Variants in PLCH1 observed in about 807,000 individuals in gnomAD.
PLCH1 encodes phospholipase C eta 1, also known as 1-phosphatidylinositol 4,5-bisphosphate phosphodiesterase eta-1.
PLCH1 carries 60 observed loss-of-function variants against 126.7 expected under a neutral mutation model. That is an observed-to-expected ratio of 0.47 (90% CI 0.38 to 0.59). PLCH1 has a LOEUF of 0.59. Ranked by LOEUF, PLCH1 falls within the 20% of genes least tolerant of loss-of-function variation. The pLI is 0.00. For synonymous variants in PLCH1, 719 were observed against 734.9 expected, an observed-to-expected ratio of 0.98 and a Z score of 0.35; for missense variants, 1,723 against 2,040.0, an observed-to-expected ratio of 0.84 and a Z score of 2.99.
chr3:155,633,952 TC>T (rs760870135), intron 2 of PLCH1, among the ~76,000 whole-genome samples: 55 of 152,200 alleles, frequency 3.6e-4, no homozygotes, highest in Middle Eastern at 6.8e-3. Context: ...GGTGAAGCAT[TC>T]CTGACTCCAT....
intron 21 of PLCH1, among the ~76,000 whole-genome samples, chr3:155,456,501 C>A (rs1203191277): frequency 1.3e-5 from 2 of 152,116 alleles, no homozygotes; most frequent in Non-Finnish European, 2.9e-5. Flanking sequence ...ATTTACATTC[C>A]CTACCTGGGC....
intron 1 of PLCH1, among the ~76,000 whole-genome samples, chr3:155,716,097 T>G (rs889421343): frequency 6.6e-6 from 1 of 152,254 alleles, no homozygotes; most frequent in African/African-American, 2.4e-5. Context: ...TTCTGAATAC[T>G]ATTACAGCTT....
At chr3:155,625,889 A>G (rs1274028268) in intron 2 of PLCH1, among the ~76,000 whole-genome samples, 1 of 152,264 alleles carries the variant, frequency 6.6e-6, no homozygotes, top group African/African-American at 2.4e-5. Flanking sequence ...GTATATACCC[A>G]AAGGATTATA....
intron 2 of PLCH1, among the ~76,000 whole-genome samples, chr3:155,700,409 T>C (rs1258874756): frequency 6.6e-6 from 1 of 152,186 alleles, no homozygotes; most frequent in Non-Finnish European, 1.5e-5. Flanking sequence ...ATAAGAGAAT[T>C]ACCCTTAATT....
chr3:155,616,725 G>A (rs973623060), intron 2 of PLCH1, among the ~76,000 whole-genome samples: 3 of 152,072 alleles, frequency 2.0e-5, no homozygotes, highest in African/African-American at 7.2e-5. Flanking sequence ...TGTCTTTATT[G>A]GGTCTTGTTA....
chr3:155,592,327 CA>C (rs11426252), intron 4 of PLCH1, among the ~76,000 whole-genome samples: 28,909 of 122,736 alleles, frequency 0.24, 3,795 homozygotes, highest in African/African-American at 0.43. Flanking sequence ...ACTAAAAATA[CA>C]AAAAAAAAAA....
chr3:155,664,278 G>A (rs1742491877), intron 2 of PLCH1, among the ~76,000 whole-genome samples: 1 of 152,170 alleles, frequency 6.6e-6, no homozygotes, highest in African/African-American at 2.4e-5. Flanking sequence ...CTTTCCTACT[G>A]AAATTACCTT....
chr3:155,594,893 T>G (rs1732759354), intron 3 of PLCH1, among the ~76,000 whole-genome samples: 4 of 152,210 alleles, frequency 2.6e-5, no homozygotes. Flanking sequence ...TTTTGCAACA[T>G]GCATAAGAAG....
In PLCH1 at chr3:155,482,568, G is replaced by A. The variant is rs769687200; in HGVS notation, c.3458C>T (p.Ser1153Phe). The A allele has an allele frequency of 1.9e-6, 3 of 1,614,226 alleles. No homozygotes were observed. The highest frequency in any genetic ancestry group is 2.5e-6 in the Non-Finnish European group (3 of 1,180,040). ...AGTTGAATGTAGGTCAGGTATGTCA[G>A]AACAGAGCATGGAGACGTCTGACAA... is the stretch of plus-strand genomic sequence containing the variant. ...FSLSDVSMLC[S>F]DIPDLHSTAI... is the part of the protein sequence containing the mutation. Residue 1153 changes from serine (S) to phenylalanine (F), a missense_variant, in exon 23 of 23, where the codon TCT becomes TTT. Coordinates refer to ENST00000460012, the MANE Select transcript of PLCH1 (RefSeq NM_014996.4).
chr3:155,503,537 C>CTTTTTTTTTTTTTTTTTTTTTTGTT (rs57141788), intron 13 of PLCH1, among the ~76,000 whole-genome samples: 1 of 144,400 alleles, frequency 6.9e-6, no homozygotes, highest in Non-Finnish European at 1.5e-5. Flanking sequence ...TTACTTCTGT[C>CTTTTTTTTTTTTTTTTTTTTTTGTT]TTTTTTTTTT....
At chr3:155,547,731 T>G (rs1283553780) in intron 10 of PLCH1, among the ~76,000 whole-genome samples, 1 of 151,776 alleles carries the variant, frequency 6.6e-6, no homozygotes, top group Non-Finnish European at 1.5e-5. Flanking sequence ...TGAGTTCATG[T>G]CCTTTGTAGG....
chr3:155,469,541 C>G, intron 21 of PLCH1, among the ~76,000 whole-genome samples: 1 of 152,234 alleles, frequency 6.6e-6, no homozygotes, highest in Non-Finnish European at 1.5e-5. Context: ...GTAAACAAAG[C>G]AGCCAGGAAG....
chr3:155,685,306 G>A (rs143178742), intron 2 of PLCH1, among the ~76,000 whole-genome samples: 5 of 152,324 alleles, frequency 3.3e-5, no homozygotes, highest in East Asian at 3.9e-4. Context: ...CTACAAATCA[G>A]GGAGAAGATT....
chr3:155,477,389 A>C (rs1713588689), downstream of PLCH1, among the ~76,000 whole-genome samples: 1 of 152,166 alleles, frequency 6.6e-6, no homozygotes, highest in African/African-American at 2.4e-5. Flanking sequence ...GCAAAAACAG[A>C]CAAATGGGAT....
At chr3:155,479,385 T>C (rs1314054688), downstream of PLCH1, among the ~76,000 whole-genome samples, 2 of 152,172 alleles carry the variant, frequency 1.3e-5, no homozygotes, top group Non-Finnish European at 2.9e-5. Flanking sequence ...TCCCAGTGCC[T>C]GTCCAGAAAA....
chr3:155,613,113 C>T (rs141818173), intron 2 of PLCH1, among the ~76,000 whole-genome samples: 1,811 of 151,906 alleles, frequency 0.012, 18 homozygotes, highest in Middle Eastern at 0.031. Context: ...GAAATGGAAA[C>T]TCTGAACAGA....
intron 10 of PLCH1, among the ~76,000 whole-genome samples, chr3:155,542,430 C>T: frequency 6.6e-6 from 1 of 152,212 alleles, no homozygotes. Context: ...GGCCTGCCTG[C>T]CTCTGTAGGC....
downstream of PLCH1, among the ~76,000 whole-genome samples, chr3:155,475,027 T>C (rs1359872623): frequency 1.4e-5 from 2 of 145,978 alleles, no homozygotes; most frequent in Non-Finnish European, 3.0e-5. Flanking sequence ...TGTATACATA[T>C]GTAACTAACC....
chr3:155,553,168 G>A (rs1299244492), intron 9 of PLCH1, among the ~76,000 whole-genome samples: 1 of 152,182 alleles, frequency 6.6e-6, no homozygotes, highest in Non-Finnish European at 1.5e-5. Flanking sequence ...AGGCTGGAGT[G>A]CAGTGGTGCA....
Sources: allele counts gnomAD v4.1 joint callset (sites outside exome capture counted in the v4.1 genomes callset), GRCh38; gene constraint gnomAD v4.1.1; transcripts MANE v1.5; gene names NCBI Gene and HGNC (gene_info 2026-07-23, HGNC 2026-07-21).